GRID2: variants seen among roughly 807,000 people sequenced by gnomAD.
GRID2 encodes glutamate ionotropic receptor delta type subunit 2, also known as glutamate receptor ionotropic, delta-2.
In GRID2, 33 loss-of-function variants were observed where a neutral mutation model predicts 114.8. The observed-to-expected ratio is 0.29, with a 90% confidence interval of 0.22 to 0.38. GRID2 has a LOEUF of 0.38. Among genes scored for constraint, GRID2 ranks in the 10% least tolerant of loss-of-function variants. The probability of loss-of-function intolerance (pLI) is 1.00; values close to 1 mark genes in which losing one functional copy is unlikely to be tolerated. For synonymous variants in GRID2, 505 were observed against 449.9 expected (o/e 1.12, Z -1.55); for missense variants, 1,184 against 1,257.7 (o/e 0.94, Z 0.89).
chr4:93,435,409 T>C lies in GRID2; in HGVS notation c.1545+12441T>C, dbSNP rs116606724. Among the ~76,000 whole-genome samples the C allele has an allele frequency of 7.4e-3, 1,130 of 152,308 alleles. 13 individuals are homozygous for C. Among genetic ancestry groups the C allele is most frequent in the African/African-American group, 0.025 (1,060 of 41,576 alleles). ...CACTTTGAGCTTTTGTTCCTATTAT[T>C]TTAAATATTTTGTCCATTAATTAAA... On this transcript the variant is annotated intron_variant, in intron 10 of 15. Transcript: ENST00000282020.
At position 92,832,087 on chromosome 4, in the gene GRID2, T is replaced by C. The variant is rs183683977; in HGVS notation, c.244+241801T>C. Among the ~76,000 whole-genome samples, 539 of 151,978 alleles carry C rather than the reference T, an allele frequency of 3.5e-3. 3 individuals are homozygous for C. Among genetic ancestry groups the C allele is most frequent in the African/African-American group, 0.012 (501 of 41,452 alleles). On this transcript the variant is annotated intron_variant, in intron 2 of 15. Transcript: ENST00000282020. ...TATATGTAAAGATATATAAAATAAGTAAGGTATTAAGAGAATACAAATATC... is the reference window on the plus strand; with the variant it reads ...TATATGTAAAGATATATAAAATAAGCAAGGTATTAAGAGAATACAAATATC...
intron 2 of GRID2, among the ~76,000 whole-genome samples, chr4:92,776,319 T>C (rs1234284647): frequency 6.6e-6 from 1 of 152,126 alleles, no homozygotes; most frequent in Non-Finnish European, 1.5e-5. Flanking sequence ...CATAGATATA[T>C]AGTATATAGT....
intron 2 of GRID2, among the ~76,000 whole-genome samples, chr4:92,593,919 A>G (rs1322456568): frequency 6.7e-6 from 1 of 150,286 alleles, no homozygotes; most frequent in Non-Finnish European, 1.5e-5. Context: ...TAAAAAGATA[A>G]ATACAAAAAG....
chr4:93,758,072 CTGTT>C (rs1732903892), intron 14 of GRID2, among the ~76,000 whole-genome samples: 1 of 152,176 alleles, frequency 6.6e-6, no homozygotes, highest in Non-Finnish European at 1.5e-5. Flanking sequence ...TGAAGAGAAA[CTGTT>C]CTCCTGTGAT....
rs1560653297 is a variant in GRID2 at position 92,868,071 on chromosome 4, TCTGTCTGTCTG to T, written c.245-216923_245-216913del. ...TTCTTTCTTTCTTTCTTTCTTTCTG[TCTGTCTGTCTG>T]TCTGTCTTTCTTTCTTTCTCTTTCT... On this transcript the variant is annotated intron_variant, in intron 2 of 15. Coordinates refer to ENST00000282020, the MANE Select transcript of GRID2 (RefSeq NM_001510.4). 6.6e-5 allele frequency among the ~76,000 whole-genome samples: 8 copies of T among 120,958 alleles called. No homozygotes were observed. In the East Asian group the frequency reaches 1.0e-3, roughly 16 times the overall value. 79.4% of individuals were successfully genotyped at this position (120,958 alleles called of 152,430 possible).
chr4:92,698,198 C>G (rs116444086), intron 2 of GRID2, among the ~76,000 whole-genome samples: 1 of 152,006 alleles, frequency 6.6e-6, no homozygotes, highest in Non-Finnish European at 1.5e-5. Flanking sequence ...AGCAGAGTAA[C>G]GAGTGCCATA....
chr4:93,649,733 GTCAT>G (rs1419282600), intron 14 of GRID2, among the ~76,000 whole-genome samples: 9 of 152,090 alleles, frequency 5.9e-5, no homozygotes, highest in Admixed American at 2.0e-4. Context: ...ATGGGCCAGA[GTCAT>G]TCAGGTACAG....
chr4:93,000,410 CTTT>C (rs1209561456), intron 2 of GRID2, among the ~76,000 whole-genome samples: 2 of 151,288 alleles, frequency 1.3e-5, no homozygotes, highest in Non-Finnish European at 3.0e-5. Context: ...TCTGATATAC[CTTT>C]TTTGTTGTTG....
At chr4:93,197,067 T>C (rs1266956264) in intron 4 of GRID2, among the ~76,000 whole-genome samples, 1 of 152,150 alleles carries the variant, frequency 6.6e-6, no homozygotes, top group East Asian at 1.9e-4. Flanking sequence ...GAATCACCTG[T>C]ATTGTTCAAA....
intron 2 of GRID2, among the ~76,000 whole-genome samples, chr4:92,878,846 C>A (rs1745804929): frequency 6.6e-6 from 1 of 152,052 alleles, no homozygotes; most frequent in Admixed American, 6.5e-5. Context: ...ATAGGAAAAT[C>A]TCTAGCAAGA....
chr4:93,191,293 A>T (rs1019561878), intron 4 of GRID2, among the ~76,000 whole-genome samples: 2 of 152,022 alleles, frequency 1.3e-5, no homozygotes, highest in Non-Finnish European at 2.9e-5. Flanking sequence ...GTTGGTAAGA[A>T]ATGTTGCTTT....
chr4:93,186,789 A>G (rs994958103), intron 4 of GRID2, among the ~76,000 whole-genome samples: 2 of 152,192 alleles, frequency 1.3e-5, no homozygotes, highest in Admixed American at 1.3e-4. Context: ...GTTTTAACAC[A>G]TTTATAACTA....
chr4:92,780,676 A>G (rs962879718), intron 2 of GRID2, among the ~76,000 whole-genome samples: 1 of 152,034 alleles, frequency 6.6e-6, no homozygotes, highest in Non-Finnish European at 1.5e-5. Context: ...CAGATAAGTA[A>G]CCCTGGCAAG....
At chr4:92,346,308 A>G (rs1274658025) in intron 1 of GRID2, among the ~76,000 whole-genome samples, 1 of 152,230 alleles carries the variant, frequency 6.6e-6, no homozygotes, top group Non-Finnish European at 1.5e-5. Flanking sequence ...AACAAGCCTT[A>G]CAACATTATA....
intron 12 of GRID2, among the ~76,000 whole-genome samples, chr4:93,493,316 T>A (rs190847220): frequency 1.3e-5 from 2 of 151,970 alleles, no homozygotes; most frequent in African/African-American, 4.8e-5. Context: ...TAACATTGAC[T>A]GAGAATTTAT....
intron 2 of GRID2, among the ~76,000 whole-genome samples, chr4:92,888,888 C>A (rs1464657122): frequency 1.3e-5 from 2 of 151,768 alleles, no homozygotes; most frequent in Admixed American, 6.6e-5. Flanking sequence ...AAACTAAAAT[C>A]AATGTTTCAT....
chr4:92,803,280 A>C (rs895321013), intron 2 of GRID2, among the ~76,000 whole-genome samples: 13 of 152,086 alleles, frequency 8.5e-5, no homozygotes, highest in Admixed American at 2.6e-4. Context: ...CTTTGTGATC[A>C]CAAAAGTAAG....
intron 2 of GRID2, among the ~76,000 whole-genome samples, chr4:92,620,099 A>G (rs887591809): frequency 1.7e-4 from 26 of 151,908 alleles, no homozygotes; most frequent in Middle Eastern, 3.4e-3. Flanking sequence ...CTGGAATACT[A>G]TCTATTTTGA....
intron 1 of GRID2, among the ~76,000 whole-genome samples, chr4:92,416,597 G>T (rs1323468468): frequency 2.0e-5 from 3 of 152,110 alleles, no homozygotes; most frequent in African/African-American, 7.2e-5. Flanking sequence ...GAGAAATGAG[G>T]ATCCAGCTCT....
Sources: gnomAD v4.1 joint callset for allele counts (sites outside exome capture counted in the v4.1 genomes callset) on GRCh38, gnomAD v4.1.1 for gene constraint, MANE v1.5 for transcripts, NCBI Gene and HGNC (gene_info 2026-07-23, HGNC 2026-07-21) for gene names.